DEUP1: variants seen among roughly 807,000 people sequenced by gnomAD.
DEUP1 encodes coiled-coil domain containing 67.
A neutral mutation model predicts 87.4 loss-of-function variants in DEUP1; 82 were observed. The ratio of observed to expected loss-of-function variants is 0.94; its 90% CI spans 0.78 to 1.13. DEUP1 has a LOEUF of 1.13. DEUP1 is among the 50% of genes most tolerant of loss of function. The pLI is 0.00. For synonymous variants in DEUP1, 214 were observed against 222.7 expected, an observed-to-expected ratio of 0.96 and a Z score of 0.35; for missense variants, 663 against 681.5, an observed-to-expected ratio of 0.97 and a Z score of 0.30.
intron 4 of DEUP1, 27 bp from the exon 5 acceptor site, chr11:93,364,133 A>C (rs772462509): frequency 4.0e-6 from 6 of 1,486,976 alleles, no homozygotes; most frequent in Admixed American, 1.9e-5. Flanking sequence ...GTAATAGTAA[A>C]ATGTTAACAT....
chr11:93,331,481 G>C (rs576539548), intron 1 of DEUP1, among the ~76,000 whole-genome samples: 8 of 151,734 alleles, frequency 5.3e-5, no homozygotes, highest in East Asian at 1.9e-4. Flanking sequence ...GGCATTCTTA[G>C]CCTTTTTGTC....
At chr11:93,389,381 G>C (rs1946698554) in intron 9 of DEUP1, among the ~76,000 whole-genome samples, 1 of 152,160 alleles carries the variant, frequency 6.6e-6, no homozygotes, top group Admixed American at 6.5e-5. Flanking sequence ...CTCCATGATA[G>C]GTGGCTTATA....
At chr11:93,386,182 C>T (rs548340889) in intron 8 of DEUP1, among the ~76,000 whole-genome samples, 1 of 152,194 alleles carries the variant, frequency 6.6e-6, no homozygotes, top group Admixed American at 6.5e-5. Context: ...AACATTTTCA[C>T]TTGTACATAT....
chr11:93,402,596 G>C (rs1301425336), intron 11 of DEUP1, among the ~76,000 whole-genome samples: 1 of 151,936 alleles, frequency 6.6e-6, no homozygotes, highest in Non-Finnish European at 1.5e-5. Context: ...TCAAAATGTA[G>C]AATCAACTTA....
chr11:93,364,313 G>C lies in DEUP1; in HGVS notation c.432+19G>C. 6.3e-7 allele frequency: 1 copy of C among 1,595,302 alleles called. No individual in the cohort carries two copies. The highest frequency in any genetic ancestry group is 2.2e-5 in the East Asian group (1 of 44,568). On this transcript the variant is annotated intron_variant, in intron 5 of 13. Coordinates refer to ENST00000298050, the MANE Select transcript of DEUP1 (RefSeq NM_181645.4). ...ATTAGAGGTGAGATATATTATCTTA[G>C]TTTCTTCATGTGTATTAAAGATTGA...
chr11:93,394,810 T>C (rs907002720), intron 10 of DEUP1, among the ~76,000 whole-genome samples, 154 bp downstream of exon 10: 1 of 152,150 alleles, frequency 6.6e-6, no homozygotes, highest in African/African-American at 2.4e-5. Flanking sequence ...CATAAAACCT[T>C]TCAGAGATAA....
chr11:93,372,578 A>G (rs1945794411), intron 7 of DEUP1, among the ~76,000 whole-genome samples: 1 of 152,192 alleles, frequency 6.6e-6, no homozygotes, highest in African/African-American at 2.4e-5. Context: ...TTTCTCTGCC[A>G]GCATCTACTG....
chr11:93,437,757 C>T lies in DEUP1; in HGVS notation c.*38C>T, dbSNP rs1948293221. 2 of 1,036,912 alleles carry T rather than the reference C, an allele frequency of 1.9e-6. No homozygotes were observed. The highest frequency in any genetic ancestry group is 2.8e-6 in the Non-Finnish European group (2 of 711,270). 64.2% of individuals were successfully genotyped at this position (1,036,912 alleles called of 1,614,324 possible). On this transcript the variant is annotated 3_prime_UTR_variant, in exon 14 of 14. Transcript: ENST00000298050. Reference sequence around the variant, plus strand: ...TTTTATTTGCTTCCCCCCCCCACCCCCGCCAAGAAAAAAAGCTCTGGCAAA... The same window carrying T: ...TTTTATTTGCTTCCCCCCCCCACCCTCGCCAAGAAAAAAAGCTCTGGCAAA...
chr11:93,357,123 T>C (rs1944933655), intron 4 of DEUP1, 80 bp downstream of exon 4: 6 of 827,718 alleles, frequency 7.2e-6, no homozygotes, highest in Non-Finnish European at 9.5e-6. Context: ...AACTTTAAAC[T>C]GTTTTCAGTA....
intron 12 of DEUP1, among the ~76,000 whole-genome samples, chr11:93,410,032 G>A (rs182476455): frequency 6.6e-6 from 1 of 151,910 alleles, no homozygotes; most frequent in East Asian, 1.9e-4. Flanking sequence ...AGATAAATCC[G>A]TAGGTCCATG....
At chr11:93,333,691 A>G (rs532742844) in intron 2 of DEUP1, among the ~76,000 whole-genome samples, 1 of 152,346 alleles carries the variant, frequency 6.6e-6, no homozygotes, top group African/African-American at 2.4e-5. Context: ...AGACAAAAAA[A>G]GCAGGAGCTC....
intron 2 of DEUP1, among the ~76,000 whole-genome samples, chr11:93,348,461 G>C (rs1342545396): frequency 6.6e-6 from 1 of 152,058 alleles, no homozygotes; most frequent in African/African-American, 2.4e-5. Flanking sequence ...TTTTTGATGT[G>C]GGCATTTAGT....
chr11:93,370,313 T>C (rs941759814), intron 6 of DEUP1, 127 bp downstream of exon 6: 25 of 591,394 alleles, frequency 4.2e-5, no homozygotes, highest in African/African-American at 4.0e-4. Flanking sequence ...GGTCCAAAGG[T>C]GGGTACAGTC....
At chr11:93,409,642 A>G (rs1160834497) in intron 12 of DEUP1, among the ~76,000 whole-genome samples, 1 of 152,188 alleles carries the variant, frequency 6.6e-6, no homozygotes, top group Non-Finnish European at 1.5e-5. Context: ...ATTTGCTCAT[A>G]AGCTCATAAT....
chr11:93,370,949 C>A, intron 6 of DEUP1, 89 bp from the exon 7 acceptor site: 1 of 1,135,046 alleles, frequency 8.8e-7, no homozygotes, highest in Non-Finnish European at 1.2e-6. Context: ...AAAGATATTC[C>A]TACTAATTCT....
intron 13 of DEUP1, among the ~76,000 whole-genome samples, chr11:93,416,623 C>T (rs1173423058): frequency 6.6e-6 from 1 of 151,808 alleles, no homozygotes; most frequent in Non-Finnish European, 1.5e-5. Flanking sequence ...GGTACCATTC[C>T]TTCTGAAACT....
intron 7 of DEUP1, among the ~76,000 whole-genome samples, chr11:93,381,583 A>G (rs1946306607): frequency 6.6e-6 from 1 of 152,094 alleles, no homozygotes; most frequent in East Asian, 1.9e-4. Flanking sequence ...TACACTCTAC[A>G]TGTTTTTTAA....
At chr11:93,368,363 A>G (rs1175460241) in intron 5 of DEUP1, among the ~76,000 whole-genome samples, 1 of 152,234 alleles carries the variant, frequency 6.6e-6, no homozygotes. Flanking sequence ...GTATTAATCC[A>G]TTCTCACACT....
chr11:93,348,547 A>T (rs1944472837), intron 2 of DEUP1, among the ~76,000 whole-genome samples: 1 of 152,210 alleles, frequency 6.6e-6, no homozygotes, highest in Non-Finnish European at 1.5e-5. Flanking sequence ...TGTTCTCATT[A>T]GTTTCAAAGA....
Sources: gnomAD v4.1 joint callset for allele counts (sites outside exome capture counted in the v4.1 genomes callset) on GRCh38, gnomAD v4.1.1 for gene constraint, MANE v1.5 for transcripts, NCBI Gene and HGNC (gene_info 2026-07-23, HGNC 2026-07-21) for gene names.